FLNB: variants seen among roughly 807,000 people sequenced by gnomAD.
The protein encoded by FLNB is filamin B.
A neutral mutation model predicts 250.6 loss-of-function variants in FLNB; 111 were observed. The ratio of observed to expected loss-of-function variants is 0.44; its 90% CI spans 0.38 to 0.52. The LOEUF (loss-of-function observed/expected upper bound fraction) is 0.52, where lower values mean the gene tolerates loss of function less well. FLNB is among the 20% of genes least tolerant of loss of function. The pLI is 0.00. For synonymous variants in FLNB, 1,302 were observed against 1,372.1 expected (o/e 0.95, Z 1.13); for missense variants, 2,869 against 3,447.8 (o/e 0.83, Z 4.20).
At chr3:58,025,415 C>A (rs1393620571) in intron 1 of FLNB, among the ~76,000 whole-genome samples, 1 of 152,154 alleles carries the variant, frequency 6.6e-6, no homozygotes, top group Non-Finnish European at 1.5e-5. Context: ...CAGGCATAAG[C>A]CTCTGCACCT....
intron 11 of FLNB, 129 bp downstream of exon 11, chr3:58,105,345 C>A: frequency 1.8e-6 from 2 of 1,126,190 alleles, no homozygotes; most frequent in East Asian, 2.5e-5. Context: ...CCTGGCCACC[C>A]TAAGCCATCT....
Position 58,145,420 on chromosome 3 carries a change from C to T in FLNB, c.5426-501C>T, listed in dbSNP as rs1354747351. On this transcript the variant is annotated intron_variant, in intron 32 of 45. Coordinates refer to ENST00000295956, the MANE Select transcript of FLNB (RefSeq NM_001457.4). Reference sequence around the variant, plus strand: ...TATTTAACCGGTCCCCTGTTGTGAACACTTAGGTCTTTTCCTGATGTGCAC... The same window carrying T: ...TATTTAACCGGTCCCCTGTTGTGAATACTTAGGTCTTTTCCTGATGTGCAC... 3.9e-5 allele frequency among the ~76,000 whole-genome samples: 6 copies of T among 152,126 alleles called. No individual in the cohort carries two copies. In the East Asian group the frequency reaches 1.2e-3, roughly 29 times the overall value.
At chr3:58,150,260 C>T (rs2097342693) in intron 38 of FLNB, 33 bp downstream of exon 38, 2 of 1,613,822 alleles carry the variant, frequency 1.2e-6, no homozygotes, top group Admixed American at 1.7e-5. Flanking sequence ...GTGGGGAAGC[C>T]TTGGCTCCAG....
intron 8 of FLNB, 70 bp from the exon 9 acceptor site, chr3:58,102,133 G>A: frequency 6.3e-7 from 1 of 1,590,118 alleles, no homozygotes; most frequent in Non-Finnish European, 8.6e-7. Context: ...GGTGGCTCCA[G>A]GTTACCTTGG....
At chr3:58,101,082 T>A (rs951688426) in intron 8 of FLNB, among the ~76,000 whole-genome samples, 4 of 152,158 alleles carry the variant, frequency 2.6e-5, no homozygotes, top group Non-Finnish European at 5.9e-5. Flanking sequence ...TCACTTGCCA[T>A]AAAGTGCCAC....
intron 1 of FLNB, among the ~76,000 whole-genome samples, chr3:58,014,242 G>T (rs1425225962): frequency 6.6e-6 from 1 of 152,194 alleles, no homozygotes; most frequent in Non-Finnish European, 1.5e-5. Context: ...GGCTAAGGTT[G>T]ATCCTACTTG....
intron 1 of FLNB, among the ~76,000 whole-genome samples, chr3:58,034,748 TG>T (rs1272495464): frequency 6.6e-6 from 1 of 152,224 alleles, no homozygotes; most frequent in Non-Finnish European, 1.5e-5. Flanking sequence ...CAGTTGGACC[TG>T]GAAGTCTCCA....
intron 1 of FLNB, among the ~76,000 whole-genome samples, chr3:58,068,903 C>A (rs1311200045): frequency 1.3e-5 from 2 of 152,140 alleles, no homozygotes; most frequent in African/African-American, 4.8e-5. Context: ...GCCAGGTGAG[C>A]ATGGGGCACA....
Position 58,152,510 on chromosome 3 carries a change from C to A in FLNB, c.6368-865C>A, listed in dbSNP as rs2097346766. 3.9e-5 allele frequency among the ~76,000 whole-genome samples: 6 copies of A among 152,304 alleles called. No homozygotes were observed. The South Asian group carries it at 1.2e-3, about 32-fold the overall frequency. On this transcript the variant is annotated intron_variant, in intron 38 of 45. Coordinates refer to ENST00000295956, the MANE Select transcript of FLNB (RefSeq NM_001457.4). ...GGGAGCCAGCTGTCTGGGACTCTTA[C>A]AAGGCCACTGACCCCATCACAGGGT...
At chr3:58,111,048 C>T (rs2097267823) in intron 16 of FLNB, among the ~76,000 whole-genome samples, 1 of 152,154 alleles carries the variant, frequency 6.6e-6, no homozygotes. Context: ...TGGAGAGAGA[C>T]TAGTTTGTAA....
At chr3:58,057,602 G>A (rs1163453569) in intron 1 of FLNB, among the ~76,000 whole-genome samples, 3 of 152,228 alleles carry the variant, frequency 2.0e-5, no homozygotes, top group Non-Finnish European at 4.4e-5. Flanking sequence ...TTCAGGGAGA[G>A]TGGATTTGGT....
chr3:58,143,551 A>G lies in FLNB; in HGVS notation c.5363A>G (p.Tyr1788Cys). 1 of 1,614,148 alleles carries G rather than the reference A, an allele frequency of 6.2e-7. No individual in the cohort carries two copies. The highest frequency in any genetic ancestry group is 8.5e-7 in the Non-Finnish European group (1 of 1,180,020). The stretch of plus-strand genomic sequence containing the variant: ...AAGGACGGCACGGTCACTGTTAGAT[A>G]TGCCCCCACTGAGGTCGGGCTCCAT... The part of the protein sequence containing the change: ...DNKDGTVTVR[Y>C]APTEVGLHEM... Residue 1788 changes from tyrosine to cysteine, a missense_variant, in exon 32 of 46, where the codon TAT (tyrosine) becomes TGT (cysteine). Around this residue, in one of 5 missense-constraint regions of FLNB, gnomAD observed 1,084 missense variants for 1,315.5 expected, o/e 0.82. Coordinates refer to ENST00000295956, the MANE Select transcript of FLNB (RefSeq NM_001457.4).
intron 1 of FLNB, among the ~76,000 whole-genome samples, chr3:58,045,396 C>T (rs1378250183): frequency 3.3e-5 from 5 of 152,292 alleles, no homozygotes; most frequent in South Asian, 2.1e-4. Flanking sequence ...AGGCTGTAGG[C>T]AGCCCAGGAC....
rs1323305971 is a variant in FLNB, at chr3:58,108,046, C to T, written c.1942-412C>T. Among the ~76,000 whole-genome samples, 6 of 152,030 alleles carry T rather than the reference C, an allele frequency of 3.9e-5. No individual in the cohort carries two copies. The East Asian group carries it at 1.2e-3, about 29-fold the overall frequency. Reference sequence around the variant, plus strand: ...AGGGGTTTCCAATATTTTGCCTTCCCTGGGCCACACTGGAAGGAGAAGAAT... The same window carrying T: ...AGGGGTTTCCAATATTTTGCCTTCCTTGGGCCACACTGGAAGGAGAAGAAT... On this transcript the variant is annotated intron_variant, in intron 12 of 45. Coordinates refer to ENST00000295956, the MANE Select transcript of FLNB (RefSeq NM_001457.4).
At chr3:58,123,922 G>A (rs193137376) in intron 21 of FLNB, among the ~76,000 whole-genome samples, 1 of 152,230 alleles carries the variant, frequency 6.6e-6, no homozygotes, top group Admixed American at 6.5e-5. Context: ...TTCTCCATGG[G>A]GAACAGGACC....
At chr3:58,122,991 G>T in intron 20 of FLNB, 102 bp from the exon 21 acceptor site, 1 of 1,073,660 alleles carries the variant, frequency 9.3e-7, no homozygotes, top group Non-Finnish European at 1.5e-6. Flanking sequence ...GGGCTGCCTG[G>T]CTCAGATGCA....
At chr3:58,147,980 C>T (rs1011243531) in intron 34 of FLNB, among the ~76,000 whole-genome samples, 1 of 152,196 alleles carries the variant, frequency 6.6e-6, no homozygotes, top group Admixed American at 6.5e-5. Context: ...CATGAGGACT[C>T]AAGTCTCTAG....
intron 20 of FLNB, among the ~76,000 whole-genome samples, chr3:58,122,543 A>T (rs1322954969): frequency 6.6e-6 from 1 of 151,830 alleles, no homozygotes; most frequent in African/African-American, 2.4e-5. Flanking sequence ...AGTAACCCTG[A>T]CTCAAGGGGT....
At chr3:58,067,190 TC>T (rs937551229) in intron 1 of FLNB, among the ~76,000 whole-genome samples, 3 of 118,856 alleles carry the variant, frequency 2.5e-5, no homozygotes, top group Non-Finnish European at 3.6e-5. Context: ...ATTTTAGCAG[TC>T]TTTTTTTTTT....
Sources: gnomAD v4.1 joint callset for allele counts (sites outside exome capture counted in the v4.1 genomes callset) on GRCh38, gnomAD v4.1.1 for gene constraint, gnomAD v4.1.1 regional missense constraint, MANE v1.5 for transcripts, NCBI Gene and HGNC (gene_info 2026-07-23, HGNC 2026-07-21) for gene names.